ZNF652: variants seen among roughly 807,000 people sequenced by gnomAD.
ZNF652 encodes the protein zinc finger protein 652.
A neutral mutation model predicts 45.2 loss-of-function variants in ZNF652; 16 were observed. The ratio of observed to expected loss-of-function variants is 0.35; its 90% CI spans 0.24 to 0.54. The LOEUF is 0.54. Ranked by LOEUF, ZNF652 falls within the 20% of genes least tolerant of loss-of-function variation. ZNF652 has a pLI of 0.91. For missense variants in ZNF652, 614 were observed against 765.6 expected (o/e 0.80, Z 2.34); for synonymous variants, 250 against 260.6 (o/e 0.96, Z 0.39).
intron 1 of ZNF652, among the ~76,000 whole-genome samples, chr17:49,355,286 GTAA>G (rs1319854683): frequency 6.6e-6 from 1 of 152,094 alleles, no homozygotes; most frequent in Non-Finnish European, 1.5e-5. Context: ...AAATGAGACA[GTAA>G]AAGAAAAAAA....
chr17:49,337,427 A>C (rs891276493), intron 1 of ZNF652, among the ~76,000 whole-genome samples: 2 of 152,210 alleles, frequency 1.3e-5, no homozygotes, highest in Admixed American at 1.3e-4. Flanking sequence ...AATTTAACTC[A>C]ATAGAGGTTT....
chr17:49,313,988 A>AAAAAAAAAAAAAAAAAAAAAAAAAAG (rs2069759111), intron 2 of ZNF652, among the ~76,000 whole-genome samples: 1 of 80,674 alleles, frequency 1.2e-5, no homozygotes. Context: ...AAAAAAAAAA[A>AAAAAAAAAAAAAAAAAAAAAAAAAAG]AAAAAAAAAA....
intron 1 of ZNF652, among the ~76,000 whole-genome samples, chr17:49,318,927 A>C (rs2069848828): frequency 6.6e-6 from 1 of 152,208 alleles, no homozygotes; most frequent in Admixed American, 6.5e-5. Context: ...GAGTAATTTC[A>C]AAGTTGCCAA....
chr17:49,351,372 G>A (rs2070281335), intron 1 of ZNF652, among the ~76,000 whole-genome samples: 1 of 151,758 alleles, frequency 6.6e-6, no homozygotes, highest in Non-Finnish European at 1.5e-5. Flanking sequence ...AAGATGGTAA[G>A]TATAAAAAAA....
At position 49,291,990 on chromosome 17, in the gene ZNF652, C is replaced by T. The variant is rs2069410161; in HGVS notation, c.*6423G>A. On this transcript the variant is annotated 3_prime_UTR_variant, in exon 6 of 6. Coordinates refer to ENST00000430262, the MANE Select transcript of ZNF652 (RefSeq NM_001145365.3). Reference sequence around the variant, plus strand: ...GCACTATCTCACCAATAATATCTTTCCTGTTGCCAGACAGGAAAGATGGAG... The same window carrying T: ...GCACTATCTCACCAATAATATCTTTTCTGTTGCCAGACAGGAAAGATGGAG... 6.6e-6 allele frequency among the ~76,000 whole-genome samples: 1 copy of T among 152,152 alleles called. No homozygotes were observed. The highest frequency in any genetic ancestry group is 6.5e-5 in the Admixed American group (1 of 15,278).
chr17:49,323,107 G>A (rs896676961), intron 1 of ZNF652, among the ~76,000 whole-genome samples: 3 of 152,158 alleles, frequency 2.0e-5, no homozygotes, highest in Non-Finnish European at 4.4e-5. Context: ...TTTCTCTGTA[G>A]GATGTGATGC....
At chr17:49,344,361 T>A (rs996155990) in intron 1 of ZNF652, among the ~76,000 whole-genome samples, 1 of 151,712 alleles carries the variant, frequency 6.6e-6, no homozygotes, top group African/African-American at 2.4e-5. Context: ...TGAGACCCTG[T>A]CTCAAAAAAC....
intron 1 of ZNF652, among the ~76,000 whole-genome samples, chr17:49,339,310 C>CTTTTTTTTTTTT (rs36110074): frequency 9.0e-6 from 1 of 110,976 alleles, no homozygotes; most frequent in Non-Finnish European, 1.8e-5. Flanking sequence ...TCAAGTGATT[C>CTTTTTTTTTTTT]TTTTTTTTTT....
intron 1 of ZNF652, among the ~76,000 whole-genome samples, chr17:49,325,969 T>C (rs1177427432): frequency 6.6e-6 from 1 of 152,164 alleles, no homozygotes; most frequent in Non-Finnish European, 1.5e-5. Context: ...CTCAACTCTA[T>C]TTTTCCCATA....
chr17:49,332,911 G>A (rs2070039406), intron 1 of ZNF652, among the ~76,000 whole-genome samples: 2 of 151,946 alleles, frequency 1.3e-5, no homozygotes, highest in Non-Finnish European at 2.9e-5. Flanking sequence ...CAAAACTCAT[G>A]CCTATAGTCT....
chr17:49,288,263 G>C (rs982014096), downstream of ZNF652: 1 of 152,038 alleles, frequency 6.6e-6, no homozygotes. Context: ...AGGTGGGAGT[G>C]ATTACCTACC....
rs1383697181 is a variant in ZNF652, at chr17:49,343,916, C to T, written c.-259+17993G>A. Among the ~76,000 whole-genome samples, 4 of 151,874 alleles carry T rather than the reference C, an allele frequency of 2.6e-5. No individual in the cohort carries two copies. In the South Asian group the frequency reaches 6.2e-4, roughly 24 times the overall value. Reference sequence around the variant, plus strand: ...CAAAAAACTTAAAAATTAGCTAGGCCGGCCAGGCGCGGTGGCTCAAGCCTG... The same window carrying T: ...CAAAAAACTTAAAAATTAGCTAGGCTGGCCAGGCGCGGTGGCTCAAGCCTG... On this transcript the variant is annotated intron_variant, in intron 1 of 5. Coordinates refer to ENST00000430262, the MANE Select transcript of ZNF652 (RefSeq NM_001145365.3).
At position 49,293,863 on chromosome 17, in the gene ZNF652, C is replaced by G. The variant is rs1244447695; in HGVS notation, c.*4550G>C. Among the ~76,000 whole-genome samples the G allele has an allele frequency of 6.6e-6, 1 of 151,994 alleles. No individual in the cohort carries two copies. The highest frequency in any genetic ancestry group is 2.4e-5 in the African/African-American group (1 of 41,392). ...TTTCATTAAGTACTTCTCATACAGTCTAGAACAGCATTGAAATATTTATCA... is the reference window on the plus strand; with the variant it reads ...TTTCATTAAGTACTTCTCATACAGTGTAGAACAGCATTGAAATATTTATCA... On this transcript the variant is annotated 3_prime_UTR_variant, in exon 6 of 6. Coordinates refer to ENST00000430262, the MANE Select transcript of ZNF652 (RefSeq NM_001145365.3).
At chr17:49,332,215 C>G (rs2070032559) in intron 1 of ZNF652, among the ~76,000 whole-genome samples, 1 of 152,066 alleles carries the variant, frequency 6.6e-6, no homozygotes, top group African/African-American at 2.4e-5. Context: ...TTGCAGTGAG[C>G]TGAGATCGCA....
chr17:49,361,055 G>A (rs2070387075), intron 1 of ZNF652: 1 of 152,264 alleles, frequency 6.6e-6, no homozygotes, highest in African/African-American at 2.4e-5. Flanking sequence ...TCCTTTGATT[G>A]GCAAAAGCCA....
In ZNF652 at chr17:49,317,006, T is replaced by G; in HGVS notation, c.720A>C (p.Glu240Asp). The change falls in exon 2 of 6, where the codon GAA (glutamate) becomes GAC (aspartate). Residue 240 changes from glutamate (E) to aspartate (D), a missense_variant. By Grantham distance (45) the Glu-to-Asp change is conservative. Transcript: ENST00000430262. ...TCTCACAGGTCAGAGTCTCTTTCTC[T>G]TCACACTTAGCTTTCTGGACTGGTG... Reference protein sequence around the residue: ...PKAPVQKAKCEEKETLTCEKC... With the variant: ...PKAPVQKAKCDEKETLTCEKC... The G allele has an allele frequency of 6.2e-7, 1 of 1,614,206 alleles. No individual in the cohort carries two copies. The highest frequency in any genetic ancestry group is 8.5e-7 in the Non-Finnish European group (1 of 1,180,034).
At chr17:49,331,001 C>T (rs945678302) in intron 1 of ZNF652, among the ~76,000 whole-genome samples, 4 of 150,590 alleles carry the variant, frequency 2.7e-5, no homozygotes, top group African/African-American at 9.8e-5. Flanking sequence ...TGCTTGAACC[C>T]AGGGAGGCGG....
chr17:49,326,843 A>G (rs1362872258), intron 1 of ZNF652, among the ~76,000 whole-genome samples: 9 of 152,178 alleles, frequency 5.9e-5, no homozygotes, highest in African/African-American at 2.2e-4. Flanking sequence ...CTCTGGATCA[A>G]GAAGAGCAAC....
chr17:49,350,967 CTACATATATATATATATATATA>C (rs1217265721), intron 1 of ZNF652, among the ~76,000 whole-genome samples: 1 of 53,168 alleles, frequency 1.9e-5, no homozygotes, highest in Non-Finnish European at 3.5e-5. Context: ...AAGACTCTGT[CTACATATATATATATATATATA>C]TATATATATA....
Sources: allele counts gnomAD v4.1 joint callset (sites outside exome capture counted in the v4.1 genomes callset), GRCh38; gene constraint gnomAD v4.1.1; transcripts MANE v1.5; gene names NCBI Gene and HGNC (gene_info 2026-07-23, HGNC 2026-07-21).